The following MOBP variants were observed in gnomAD, a reference collection of about 807,000 sequenced individuals.
The protein encoded by MOBP is myelin-associated oligodendrocyte basic protein.
MOBP carries 5 observed loss-of-function variants against 15.0 expected under a neutral mutation model. The ratio of observed to expected loss-of-function variants is 0.33; its 90% confidence interval spans 0.17 to 0.70. MOBP has a LOEUF of 0.70. MOBP is among the 30% of genes least tolerant of loss of function. The pLI is 0.67. For missense variants in MOBP, 188 were observed against 257.8 expected, an observed-to-expected ratio of 0.73 and a Z score of 1.85; for synonymous variants, 88 against 99.0, an observed-to-expected ratio of 0.89 and a Z score of 0.66.
chr3:39,490,550 A>G (rs1043696825), intron 2 of MOBP, among the ~76,000 whole-genome samples: 2 of 152,062 alleles, frequency 1.3e-5, no homozygotes, highest in African/African-American at 4.8e-5. Flanking sequence ...AGTTGTTTCC[A>G]TCTCTTCCTT....
intron 1 of MOBP, among the ~76,000 whole-genome samples, chr3:39,469,329 TTTAATTAAAATTTATTTTAATTGGAA>T (rs1329485371): frequency 9.4e-4 from 103 of 110,134 alleles, no homozygotes; most frequent in Non-Finnish European, 1.6e-3. Flanking sequence ...TCTAATTAAT[TTTAATTAAAATTTATTTTAATTGGAA>T]TTAACTAAAA....
chr3:39,511,827 G>T (rs1051635316), intron 4 of MOBP, among the ~76,000 whole-genome samples: 12 of 152,078 alleles, frequency 7.9e-5, no homozygotes, highest in African/African-American at 2.9e-4. Context: ...GGCACAGTGA[G>T]AAGGGTAAGG....
At chr3:39,511,704 G>T (rs1284660950) in intron 4 of MOBP, among the ~76,000 whole-genome samples, 1 of 152,128 alleles carries the variant, frequency 6.6e-6, no homozygotes, top group Non-Finnish European at 1.5e-5. Flanking sequence ...GCTGGATGGA[G>T]TGTGCATAAG....
downstream of MOBP, among the ~76,000 whole-genome samples, chr3:39,506,207 C>T (rs138435593): frequency 3.3e-5 from 5 of 152,290 alleles, no homozygotes; most frequent in East Asian, 9.6e-4. Flanking sequence ...ACTGTTTGTT[C>T]ACGTCTGGCC....
In MOBP at chr3:39,502,516, C is replaced by T; in HGVS notation, c.207-19C>T. ...GGAGAGCCCTGGCTCCCGCCTCCAGCTTCTTTTGGCCCTCTCAGAACCAGC... is the reference window on the plus strand; with the variant it reads ...GGAGAGCCCTGGCTCCCGCCTCCAGTTTCTTTTGGCCCTCTCAGAACCAGC... On this transcript the variant is annotated intron_variant, in intron 3 of 3. Coordinates refer to ENST00000684792, the MANE Select transcript of MOBP (RefSeq NM_001393704.1). The surrounding 1 kb of genome is among the most constrained non-coding windows in gnomAD (Gnocchi z 6.3). 1 of 1,568,072 alleles carries T rather than the reference C, an allele frequency of 6.4e-7. No homozygotes were observed. Among genetic ancestry groups the T allele is most frequent in the Non-Finnish European group, 8.6e-7 (1 of 1,165,586 alleles).
At chr3:39,524,937 C>T (rs187163375), downstream of MOBP, 1 of 151,942 alleles carries the variant, frequency 6.6e-6, no homozygotes, top group Admixed American at 6.5e-5. Flanking sequence ...ACATGAAAAG[C>T]AAATAGTAGA....
chr3:39,472,973 A>G (rs2042492778), intron 1 of MOBP, among the ~76,000 whole-genome samples: 1 of 152,128 alleles, frequency 6.6e-6, no homozygotes, highest in Non-Finnish European at 1.5e-5. Flanking sequence ...GGGCCAGGAC[A>G]TGGAAGGGTT....
intron 1 of MOBP, among the ~76,000 whole-genome samples, chr3:39,474,890 C>A (rs1031424337): frequency 6.6e-6 from 1 of 152,156 alleles, no homozygotes; most frequent in Non-Finnish European, 1.5e-5. Context: ...ACATTGCTTT[C>A]TTTAATGTTA....
At chr3:39,468,078 TGC>T (rs1457374469) in intron 1 of MOBP, among the ~76,000 whole-genome samples, 5 of 137,224 alleles carry the variant, frequency 3.6e-5, no homozygotes, top group Non-Finnish European at 4.6e-5. Flanking sequence ...CTGCTGCTGC[TGC>T]TTTTTTTTTT....
downstream of MOBP, among the ~76,000 whole-genome samples, chr3:39,520,523 C>T (rs188734726): frequency 4.8e-5 from 7 of 144,802 alleles, no homozygotes; most frequent in Non-Finnish European, 8.9e-5. Flanking sequence ...ACCAAAGTAC[C>T]AAATGTGTTC....
intron 2 of MOBP, among the ~76,000 whole-genome samples, chr3:39,496,558 A>T (rs1461725643): frequency 1.3e-5 from 2 of 149,784 alleles, no homozygotes; most frequent in Non-Finnish European, 3.0e-5. Context: ...GAGTGCAGTG[A>T]TGTTGGCTCA....
rs887459023 is a variant in MOBP at position 39,487,522 on chromosome 3, T to C, written c.-5+7399T>C. On this transcript the variant is annotated intron_variant, in intron 2 of 3. Transcript: ENST00000684792. Reference sequence around the variant, plus strand: ...ATTCTTTTCAGAATTTTCTTTCTTTTTTTTTTTTTTTTTTTTTTTGAGATG... The same window carrying C: ...ATTCTTTTCAGAATTTTCTTTCTTTCTTTTTTTTTTTTTTTTTTTGAGATG... 6.3e-3 allele frequency among the ~76,000 whole-genome samples: 461 copies of C among 73,686 alleles called. 1 individual carries two copies. Among genetic ancestry groups the C allele is most frequent in the Middle Eastern group, 0.047 (7 of 148 alleles). 48.3% of individuals were successfully genotyped at this position (73,686 alleles called of 152,430 possible). A position where few individuals can be genotyped will look rare whatever the true frequency, so the allele number is the denominator to read the frequency against.
chr3:39,523,194 T>C (rs1266865403), intron 3 of MOBP, among the ~76,000 whole-genome samples: 3 of 152,238 alleles, frequency 2.0e-5, no homozygotes, highest in South Asian at 2.1e-4. Flanking sequence ...TCAAAAATCC[T>C]TGGATGTTAC....
At chr3:39,471,425 A>T (rs1393308370) in intron 1 of MOBP, among the ~76,000 whole-genome samples, 1 of 152,146 alleles carries the variant, frequency 6.6e-6, no homozygotes, top group Non-Finnish European at 1.5e-5. Context: ...CACTGCACCC[A>T]GCAAAAGAAA....
intron 4 of MOBP, among the ~76,000 whole-genome samples, chr3:39,511,366 G>A (rs950173060): frequency 6.6e-5 from 10 of 152,174 alleles, no homozygotes; most frequent in Non-Finnish European, 1.3e-4. Context: ...AGCTATGTGG[G>A]CAGTCTTTAT....
chr3:39,524,214 G>A (rs1363820388), intron 3 of MOBP: 1 of 152,188 alleles, frequency 6.6e-6, no homozygotes, highest in African/African-American at 2.4e-5. Context: ...ATATAGAATT[G>A]TAGTTTGACA....
chr3:39,497,371 A>G lies in MOBP; in HGVS notation c.-4-4695A>G, dbSNP rs528526211. On this transcript the variant is annotated intron_variant, in intron 2 of 3. Transcript: ENST00000684792. ...GTTTCCCCAACTTTCAGTCTTTGTC[A>G]CCCTAGGACATAGACTCATGGATCT... Among the ~76,000 whole-genome samples the G allele has an allele frequency of 4.6e-5, 7 of 152,092 alleles. No individual in the cohort carries two copies. The East Asian group carries it at 1.4e-3, about 29-fold the overall frequency.
chr3:39,475,426 T>C (rs2042531869), intron 1 of MOBP, among the ~76,000 whole-genome samples: 1 of 152,202 alleles, frequency 6.6e-6, no homozygotes, highest in Non-Finnish European at 1.5e-5. Flanking sequence ...ATATTGTGTT[T>C]CTCCTTACAC....
chr3:39,492,243 A>G (rs1437988057), intron 2 of MOBP, among the ~76,000 whole-genome samples: 1 of 152,170 alleles, frequency 6.6e-6, no homozygotes, highest in Non-Finnish European at 1.5e-5. Context: ...CATTCATGCT[A>G]AAAGGTGGGT....
Sources: allele counts gnomAD v4.1 joint callset (sites outside exome capture counted in the v4.1 genomes callset), GRCh38; gene constraint gnomAD v4.1.1; non-coding constraint Gnocchi (gnomAD v3.1); transcripts MANE v1.5; gene names NCBI Gene and HGNC (gene_info 2026-07-23, HGNC 2026-07-21).